Variants in DNHD1 observed in about 807,000 individuals in gnomAD.
DNHD1 encodes dynein heavy chain domain-containing protein 1.
A neutral mutation model predicts 458.1 loss-of-function variants in DNHD1; 383 were observed. That is an observed-to-expected ratio of 0.84 (90% CI 0.77 to 0.91). The LOEUF (loss-of-function observed/expected upper bound fraction) is 0.91, where lower values mean the gene tolerates loss of function less well. Ranked by LOEUF, DNHD1 falls within the 40% of genes least tolerant of loss-of-function variation. The probability of loss-of-function intolerance (pLI) is 0.00; values close to 1 mark genes in which losing one functional copy is unlikely to be tolerated. For synonymous variants in DNHD1, 2,203 were observed against 2,376.9 expected, an observed-to-expected ratio of 0.93 and a Z score of 2.13; for missense variants, 5,336 against 5,866.1, an observed-to-expected ratio of 0.91 and a Z score of 2.95.
chr11:6,547,750 C>A, intron 21 of DNHD1, 84 bp downstream of exon 21: 2 of 1,485,536 alleles, frequency 1.3e-6, no homozygotes, highest in Non-Finnish European at 1.8e-6. Context: ...GGCGTGTGTT[C>A]TTTGGTGGAT....
intron 18 of DNHD1, among the ~76,000 whole-genome samples, chr11:6,542,507 A>G (rs1327599387): frequency 1.3e-5 from 2 of 151,982 alleles, no homozygotes; most frequent in Non-Finnish European, 2.9e-5. Flanking sequence ...TCTCTAAGCT[A>G]GCATTTGCAC....
Position 6,528,788 on chromosome 11 carries a change from G to C in DNHD1, c.2103+1G>C. 1 of 1,551,424 alleles carries C rather than the reference G, an allele frequency of 6.4e-7. No homozygotes were observed. On this transcript the variant is annotated splice_donor_variant, in intron 11 of 42. Transcript: ENST00000254579. LOFTEE classifies it high-confidence loss of function. ...GAATATACAACAGGTGCTGCTGGAG[G>C]TGAGAACAGTGGTTTAAGGGATAGG...
chr11:6,503,981 T>C (rs1852185426), intron 4 of DNHD1: 1 of 152,224 alleles, frequency 6.6e-6, no homozygotes, highest in African/African-American at 2.4e-5. Flanking sequence ...TAAGAGAGGT[T>C]AAGTAATTTA....
rs58697644 is a variant in DNHD1 at position 6,552,569 on chromosome 11, G to A, written c.7387+3636G>A. On this transcript the variant is annotated intron_variant, in intron 24 of 42. Transcript: ENST00000254579. ...GTAGGTTTAATTGACTCACAGTTCC[G>A]CATGGATGGGGAGCCCTCAGGAAAC... 2.0e-3 allele frequency among the ~76,000 whole-genome samples: 303 copies of A among 151,816 alleles called. 1 individual carries two copies. Among genetic ancestry groups the A allele is most frequent in the African/African-American group, 6.8e-3 (281 of 41,368 alleles).
At chr11:6,510,555 G>C (rs936903900) in intron 6 of DNHD1, among the ~76,000 whole-genome samples, 1 of 152,136 alleles carries the variant, frequency 6.6e-6, no homozygotes, top group African/African-American at 2.4e-5. Flanking sequence ...TGGGAGACGG[G>C]ACAAATCTTA....
At position 6,498,323 on chromosome 11, in the gene DNHD1, G is replaced by T. The variant is rs773359183; in HGVS notation, c.108G>T (p.Leu36Phe). ...ICVLDSKEQP[L>F]ACQQKQRQFV... ...TCTTGGACAGCAAAGAACAGCCCTT[G>T]GCCTGCCAGCAGAAACAGAGGCAGT... The change falls in exon 3 of 43, where the codon TTG becomes TTT. Residue 36 changes from leucine (L) to phenylalanine (F), a missense_variant. Coordinates refer to ENST00000254579, the MANE Select transcript of DNHD1 (RefSeq NM_144666.3). The T allele has an allele frequency of 1.2e-6, 2 of 1,614,212 alleles. No individual in the cohort carries two copies. The highest frequency in any genetic ancestry group is 1.7e-5 in the Admixed American group (1 of 60,026).
chr11:6,536,717 C>A (rs1168659107), intron 14 of DNHD1, among the ~76,000 whole-genome samples: 2 of 152,176 alleles, frequency 1.3e-5, no homozygotes, highest in Admixed American at 6.5e-5. Context: ...AAGTAGATAT[C>A]ACAAAATGTC....
rs372521767 is a variant in DNHD1 at position 6,547,942 on chromosome 11, C to T, written c.6807C>T (p.Asp2269=). The change falls in exon 22 of 43, where the codon GAC becomes GAT. Residue 2269 remains aspartate, a synonymous_variant. Coordinates refer to ENST00000254579, the MANE Select transcript of DNHD1 (RefSeq NM_144666.3). ...KSSFLNRSQV[D]SDDVPDKCRE... ...GCTTTCTAAACCGGTCCCAGGTTGA[C>T]AGTGACGATGTGCCAGATAAGTGCA... 26 of 1,551,784 alleles carry T rather than the reference C, an allele frequency of 1.7e-5. No individual in the cohort carries two copies. The highest frequency in any genetic ancestry group is 4.4e-6 in the Non-Finnish European group (5 of 1,147,050).
At chr11:6,569,694 G>A (rs1164341733) in intron 39 of DNHD1, among the ~76,000 whole-genome samples, 1 of 152,138 alleles carries the variant, frequency 6.6e-6, no homozygotes, top group Non-Finnish European at 1.5e-5. Context: ...AAGAGATTGT[G>A]GTATGGGTAG....
At position 6,505,230 on chromosome 11, in the gene DNHD1, C is replaced by A. The variant is rs1852207630; in HGVS notation, c.920+2304C>A. ...TCCATTTGTTCCTCTAGTTCTGGAGCTGGTTTTTTATTTTTATTTTTATTA... is the reference window on the plus strand; with the variant it reads ...TCCATTTGTTCCTCTAGTTCTGGAGATGGTTTTTTATTTTTATTTTTATTA... On this transcript the variant is annotated intron_variant, in intron 4 of 42. Transcript: ENST00000254579. The surrounding 1 kb of genome is among the most constrained non-coding windows in gnomAD (Gnocchi z 4.4). Among the ~76,000 whole-genome samples, 1 of 151,894 alleles carries A rather than the reference C, an allele frequency of 6.6e-6. No homozygotes were observed. The highest frequency in any genetic ancestry group is 2.4e-5 in the African/African-American group (1 of 41,350).
At position 6,545,118 on chromosome 11, in the gene DNHD1, TG is replaced by T; in HGVS notation, c.4180del (p.Val1394Ter). The T allele has an allele frequency of 3.2e-6, 5 of 1,552,174 alleles. No individual in the cohort carries two copies. Among genetic ancestry groups the T allele is most frequent in the Non-Finnish European group, 4.4e-6 (5 of 1,147,080 alleles). The part of the protein sequence containing the change: ...VRRCFPHVHA[V>X]SFRSCPTGEK... ...GACGCTGCTTTCCTCATGTGCATGC[TG>T]TGAGCTTCAGGTCTTGCCCAACTGG... On this transcript the variant is annotated frameshift_variant, in exon 21 of 43. Transcript: ENST00000254579. The surrounding 1 kb of genome is among the most constrained non-coding windows in gnomAD (Gnocchi z 4.9).
Position 6,571,299 on chromosome 11 carries a change from T to G in DNHD1, c.13787T>G (p.Leu4596Trp). 1 of 1,612,498 alleles carries G rather than the reference T, an allele frequency of 6.2e-7. No homozygotes were observed. Among genetic ancestry groups the G allele is most frequent in the Non-Finnish European group, 8.5e-7 (1 of 1,179,654 alleles). Residue 4596 changes from leucine (L) to tryptophan (W), a missense_variant, in exon 42 of 43, where the codon TTG becomes TGG. Around this residue, in one of 4 missense-constraint regions of DNHD1, gnomAD observed 698 missense variants for 664.9 expected, o/e 1.05. Coordinates refer to ENST00000254579, the MANE Select transcript of DNHD1 (RefSeq NM_144666.3). This position sits in a 1 kb window ranked among gnomAD's most constrained non-coding sequence, Gnocchi z 5.0. ...FRHPRRLLLA[L>W]RGEAALDQNV... ...CACCCGCGCCGCCTGCTGCTGGCAT[T>G]GCGTGGGGAAGCTGCCCTGGACCAG... is the stretch of plus-strand genomic sequence containing the variant.
intron 10 of DNHD1, among the ~76,000 whole-genome samples, chr11:6,521,265 A>G (rs1378675541): frequency 6.6e-6 from 1 of 152,246 alleles, no homozygotes; most frequent in East Asian, 1.9e-4. Flanking sequence ...CCTTCTTACT[A>G]TTATTAGTAT....
rs913721142 is a variant in DNHD1, at chr11:6,544,241, G to C, written c.3749G>C (p.Gly1250Ala). 27 of 1,551,426 alleles carry C rather than the reference G, an allele frequency of 1.7e-5. No individual in the cohort carries two copies. Among genetic ancestry groups the C allele is most frequent in the Admixed American group, 3.9e-5 (2 of 50,974 alleles). The stretch of plus-strand genomic sequence containing the variant: ...TTGGAGTGGGTGGCCATCATGCATG[G>C]CCTGGGTAAGTGCAGGCCTCTAGCC... ...IALEWVAIMH[G>A]LGALLEVWLT... The change falls in exon 19 of 43, where the codon GGC (glycine) becomes GCC (alanine). Residue 1250 changes from glycine to alanine, a missense_variant. This residue lies in a region of DNHD1 where 3,932 missense variants were observed against 4,365.6 expected (regional missense o/e 0.90). Coordinates refer to ENST00000254579, the MANE Select transcript of DNHD1 (RefSeq NM_144666.3).
intron 24 of DNHD1, among the ~76,000 whole-genome samples, chr11:6,554,416 A>G (rs1389542387): frequency 6.6e-6 from 1 of 152,198 alleles, no homozygotes; most frequent in Non-Finnish European, 1.5e-5. Flanking sequence ...TGGTTGGGCA[A>G]TGATTTCTTG....
At chr11:6,559,354 A>C (rs1172852351) in intron 28 of DNHD1, 71 bp downstream of exon 28, 25 of 1,239,938 alleles carry the variant, frequency 2.0e-5, no homozygotes, top group Non-Finnish European at 2.8e-5. Context: ...GAAAGGAAGC[A>C]ACCAGAATGA....
chr11:6,562,018 G>T (rs1436547817), intron 28 of DNHD1, among the ~76,000 whole-genome samples: 1 of 152,186 alleles, frequency 6.6e-6, no homozygotes, highest in Non-Finnish European at 1.5e-5. Context: ...GCTGCAGTGG[G>T]GGAATAAAAG....
intron 18 of DNHD1, among the ~76,000 whole-genome samples, chr11:6,543,888 G>A (rs1213510536): frequency 2.3e-5 from 3 of 133,132 alleles, no homozygotes; most frequent in Non-Finnish European, 3.1e-5. Flanking sequence ...TTGAACCCAG[G>A]AAGCATAGTA....
At position 6,539,322 on chromosome 11, in the gene DNHD1, C is replaced by G. The variant is rs758940699; in HGVS notation, c.3420+9C>G. The stretch of plus-strand genomic sequence containing the variant: ...CAGATCGAATCAACCAGGTGGGGCC[C>G]TCAGTACAGGGGCGAGGGAGGTGGT... On this transcript the variant is annotated intron_variant, in intron 17 of 42. Coordinates refer to ENST00000254579, the MANE Select transcript of DNHD1 (RefSeq NM_144666.3). 16 of 1,547,026 alleles carry G rather than the reference C, an allele frequency of 1.0e-5. No individual in the cohort carries two copies. In the African/African-American group the frequency reaches 2.2e-4, roughly 21 times the overall value.
Sources: allele counts gnomAD v4.1 joint callset (sites outside exome capture counted in the v4.1 genomes callset), GRCh38; gene constraint gnomAD v4.1.1; regional missense constraint gnomAD v4.1.1; non-coding constraint Gnocchi (gnomAD v3.1); transcripts MANE v1.5; gene names NCBI Gene and HGNC (gene_info 2026-07-23, HGNC 2026-07-21).